PLPBP: variants seen among roughly 807,000 people sequenced by gnomAD.
PLPBP encodes pyridoxal phosphate binding protein.
A neutral mutation model predicts 31.2 loss-of-function variants in PLPBP; 21 were observed. The ratio of observed to expected loss-of-function variants is 0.67; its 90% CI spans 0.48 to 0.97. The LOEUF (loss-of-function observed/expected upper bound fraction) is 0.97, where lower values mean the gene tolerates loss of function less well. Ranked by LOEUF, PLPBP falls within the 50% of genes least tolerant of loss-of-function variation. PLPBP has a pLI of 0.00. For synonymous variants in PLPBP, 124 were observed against 135.6 expected (o/e 0.91, Z 0.59); for missense variants, 308 against 354.4 (o/e 0.87, Z 1.05).
intron 4 of PLPBP, among the ~76,000 whole-genome samples, chr8:37,769,042 A>G (rs943726005): frequency 6.6e-6 from 1 of 152,204 alleles, no homozygotes; most frequent in African/African-American, 2.4e-5. Flanking sequence ...AAACCATAAA[A>G]AAAACAACTA....
intron 1 of PLPBP, 86 bp downstream of exon 1, chr8:37,762,844 A>G: frequency 2.0e-6 from 3 of 1,477,118 alleles, no homozygotes; most frequent in Non-Finnish European, 2.7e-6. Flanking sequence ...ACGGTGACGC[A>G]GAGGGGTCTC....
At chr8:37,764,453 C>G (rs1199119108) in intron 1 of PLPBP, among the ~76,000 whole-genome samples, 2 of 152,206 alleles carry the variant, frequency 1.3e-5, no homozygotes, top group Admixed American at 6.5e-5. Context: ...TCCCAAGTAG[C>G]TCGGATTACA....
At chr8:37,775,518 G>A in intron 6 of PLPBP, 37 bp downstream of exon 6, 1 of 1,612,066 alleles carries the variant, frequency 6.2e-7, no homozygotes. Context: ...GTGTGCTAAA[G>A]AAGCAGGGTG....
At chr8:37,764,992 G>A (rs1045238850) in intron 1 of PLPBP, among the ~76,000 whole-genome samples, 6 of 152,122 alleles carry the variant, frequency 3.9e-5, no homozygotes, top group South Asian at 4.1e-4. Context: ...CCAACATGGG[G>A]AAACCCTGTC....
At chr8:37,767,228 A>G (rs1262642099) in intron 4 of PLPBP, among the ~76,000 whole-genome samples, 2 of 152,178 alleles carry the variant, frequency 1.3e-5, no homozygotes, top group East Asian at 3.8e-4. Flanking sequence ...TATTTAAAGT[A>G]TAGAATTCGA....
Position 37,764,740 on chromosome 8 carries a change from C to T in PLPBP, c.100-786C>T, listed in dbSNP as rs1325865881. Among the ~76,000 whole-genome samples the T allele has an allele frequency of 3.9e-5, 6 of 152,286 alleles. No individual in the cohort carries two copies. In the East Asian group the frequency reaches 5.8e-4, roughly 15 times the overall value. Reference sequence around the variant, plus strand: ...ATGATACACCAGGACTAGAATGAGTCGCCAAACTGCTAACGTTTGGGTTTC... The same window carrying T: ...ATGATACACCAGGACTAGAATGAGTTGCCAAACTGCTAACGTTTGGGTTTC... On this transcript the variant is annotated intron_variant, in intron 1 of 7. Transcript: ENST00000328195.
At chr8:37,762,548 C>A, upstream of PLPBP, 1 of 1,458,532 alleles carries the variant, frequency 6.9e-7, no homozygotes, top group South Asian at 1.4e-5. Flanking sequence ...TTGGGTGAGA[C>A]GACTCAATGA....
chr8:37,776,004 T>C lies in PLPBP; in HGVS notation c.684T>C (p.Asp228=). The C allele has an allele frequency of 1.9e-6, 3 of 1,613,802 alleles. No homozygotes were observed. Among genetic ancestry groups the C allele is most frequent in the Non-Finnish European group, 2.5e-6 (3 of 1,179,834 alleles). ...QVELSMGMSA[D]FQHAVEVGST... ...AGCTGAGCATGGGCATGTCCGCGGA[T>C]TTCCAGCATGCGGTGAGTGTCCTGC... Residue 228 remains aspartate, a synonymous_variant, in exon 7 of 8, where the codon GAT becomes GAC. Coordinates refer to ENST00000328195, the MANE Select transcript of PLPBP (RefSeq NM_007198.4).
intron 4 of PLPBP, 113 bp from the exon 5 acceptor site, chr8:37,772,642 G>A: frequency 7.8e-7 from 1 of 1,277,894 alleles, no homozygotes; most frequent in South Asian, 1.3e-5. Context: ...AGATTTAACT[G>A]TGTTTTTCTT....
At chr8:37,768,191 C>T (rs1433452633) in intron 4 of PLPBP, among the ~76,000 whole-genome samples, 2 of 152,068 alleles carry the variant, frequency 1.3e-5, no homozygotes, top group Admixed American at 1.3e-4. Flanking sequence ...TATTATATGT[C>T]ATATAAACAA....
At position 37,778,784 on chromosome 8, in the gene PLPBP, C is replaced by G. The variant is rs1277623856; in HGVS notation, c.*680C>G. The G allele has an allele frequency of 6.6e-6, 1 of 151,986 alleles. No homozygotes were observed. The highest frequency in any genetic ancestry group is 1.5e-5 in the Non-Finnish European group (1 of 68,034). The allele number at this position is 151,986 out of a possible 1,614,324, so 9.4% of individuals were successfully genotyped here. ...ACCAGCCTCAGCAACAGCAGGAGCCCCACCCCCCGTCTCTACAAAAAAATT... is the reference window on the plus strand; with the variant it reads ...ACCAGCCTCAGCAACAGCAGGAGCCGCACCCCCCGTCTCTACAAAAAAATT... On this transcript the variant is annotated 3_prime_UTR_variant, in exon 8 of 8. Transcript: ENST00000328195.
intron 4 of PLPBP, chr8:37,766,652 G>A (rs772652399): frequency 4.6e-5 from 46 of 998,332 alleles, no homozygotes; most frequent in Non-Finnish European, 5.5e-5. Context: ...TTTTTAACTA[G>A]CAAAAGAGAC....
chr8:37,772,461 T>C lies in PLPBP; in HGVS notation c.320-294T>C, dbSNP rs145179795. Among the ~76,000 whole-genome samples, 1,416 of 152,332 alleles carry C rather than the reference T, an allele frequency of 9.3e-3. 23 individuals are homozygous for C. Among genetic ancestry groups the C allele is most frequent in the African/African-American group, 0.032 (1,351 of 41,582 alleles). On this transcript the variant is annotated intron_variant, in intron 4 of 7. Coordinates refer to ENST00000328195, the MANE Select transcript of PLPBP (RefSeq NM_007198.4). ...TTTGAACTGAGACATAGATCAAGCC[T>C]TTTACTAGGAATCTGTCCGTTACCA...
rs762904968 is a variant in PLPBP at position 37,777,958 on chromosome 8, T to C, written c.697-15T>C. ...TTTAAACCTGGTCCTCGATACCTTCTCTTTTTTCCCACAGGTTGAAGTAGG... is the reference window on the plus strand; with the variant it reads ...TTTAAACCTGGTCCTCGATACCTTCCCTTTTTTCCCACAGGTTGAAGTAGG... On this transcript the variant is annotated splice_polypyrimidine_tract_variant and intron_variant, in intron 7 of 7. Coordinates refer to ENST00000328195, the MANE Select transcript of PLPBP (RefSeq NM_007198.4). The C allele has an allele frequency of 1.8e-5, 29 of 1,607,104 alleles. No homozygotes were observed. The highest frequency in any genetic ancestry group is 2.1e-5 in the Non-Finnish European group (25 of 1,175,022).
rs1175107737 is a variant in PLPBP at position 37,767,799 on chromosome 8, CT to C, written c.319+1468del. On this transcript the variant is annotated intron_variant, in intron 4 of 7. Transcript: ENST00000328195. ...ATTTACTGTCTTGATCTTTTATTTA[CT>C]TTTTTTTTTTTTTTTTTTTTTTTGA... Among the ~76,000 whole-genome samples the C allele has an allele frequency of 9.6e-3, 951 of 98,942 alleles. 1 individual carries two copies. Among genetic ancestry groups the C allele is most frequent in the African/African-American group, 0.028 (650 of 23,434 alleles). 64.9% of individuals were successfully genotyped at this position (98,942 alleles called of 152,430 possible).
At chr8:37,767,598 T>G (rs1385372756) in intron 4 of PLPBP, among the ~76,000 whole-genome samples, 2 of 152,150 alleles carry the variant, frequency 1.3e-5, no homozygotes, top group African/African-American at 2.4e-5. Flanking sequence ...TTGATGAATG[T>G]TGGGTTGCTT....
chr8:37,775,054 A>T (rs1480236701), intron 5 of PLPBP: 2 of 239,078 alleles, frequency 8.4e-6, no homozygotes, highest in Non-Finnish European at 7.9e-6. Context: ...CAAAAAAGCA[A>T]GATTTTTTCT....
At chr8:37,763,490 T>C (rs1803539080) in intron 1 of PLPBP, among the ~76,000 whole-genome samples, 2 of 152,186 alleles carry the variant, frequency 1.3e-5, no homozygotes. Context: ...ACCTGTATTA[T>C]AGTCTTTCTT....
rs192078875 is a variant in PLPBP at position 37,778,290 on chromosome 8, T to G, written c.*186T>G. ...CTTGCTTCAGGCAATGGCTTTGGATTGAGTTTGAGAAATTCAAACATTTCT... is the reference window on the plus strand; with the variant it reads ...CTTGCTTCAGGCAATGGCTTTGGATGGAGTTTGAGAAATTCAAACATTTCT... On this transcript the variant is annotated 3_prime_UTR_variant, in exon 8 of 8. Coordinates refer to ENST00000328195, the MANE Select transcript of PLPBP (RefSeq NM_007198.4). The G allele has an allele frequency of 3.0e-4, 169 of 568,074 alleles. 1 individual carries two copies. The highest frequency in any genetic ancestry group is 3.0e-3 in the African/African-American group (157 of 53,034). The allele number at this position is 568,074 out of a possible 1,614,324, so 35.2% of individuals were successfully genotyped here.
Sources: allele counts gnomAD v4.1 joint callset (sites outside exome capture counted in the v4.1 genomes callset), GRCh38; gene constraint gnomAD v4.1.1; transcripts MANE v1.5; gene names NCBI Gene and HGNC (gene_info 2026-07-23, HGNC 2026-07-21).